PPP3CA: variants seen among roughly 807,000 people sequenced by gnomAD.
PPP3CA encodes the protein CAM-PRP catalytic subunit.
In PPP3CA, 14 loss-of-function variants were observed where a neutral mutation model predicts 66.5. The ratio of observed to expected loss-of-function variants is 0.21; its 90% CI spans 0.14 to 0.33. The LOEUF is 0.33. Among genes scored for constraint, PPP3CA ranks in the 10% least tolerant of loss-of-function variants. The pLI is 1.00. For missense variants in PPP3CA, 317 were observed against 639.5 expected (o/e 0.50, Z 5.44); for synonymous variants, 232 against 226.2 (o/e 1.03, Z -0.23).
At chr4:101,297,556 T>C (rs867952546) in intron 1 of PPP3CA, among the ~76,000 whole-genome samples, 5 of 152,160 alleles carry the variant, frequency 3.3e-5, no homozygotes, top group South Asian at 2.1e-4. Flanking sequence ...CAATTGTACC[T>C]GCGATGTCAG....
chr4:101,249,117 A>G (rs1396469255), intron 1 of PPP3CA, among the ~76,000 whole-genome samples: 11 of 151,676 alleles, frequency 7.3e-5, no homozygotes, highest in Admixed American at 1.3e-4. Context: ...CCGAGATTGC[A>G]CCACTGCAGT....
At chr4:101,053,160 T>A (rs1728082347) in intron 10 of PPP3CA, among the ~76,000 whole-genome samples, 1 of 152,272 alleles carries the variant, frequency 6.6e-6, no homozygotes, top group Admixed American at 6.6e-5. Context: ...AACAATGTGA[T>A]ATTAGAATAG....
At position 101,109,180 on chromosome 4, in the gene PPP3CA, C is replaced by T. The variant is rs193175793; in HGVS notation, c.260-102G>A. On this transcript the variant is annotated intron_variant, in intron 2 of 13. Transcript: ENST00000394854. The stretch of plus-strand genomic sequence containing the variant: ...GAACCAGAATTAATTTCAAGTTTAT[C>T]TGAGCCAAAACATTCTTTTGCAGAA... 9 of 1,206,662 alleles carry T rather than the reference C, an allele frequency of 7.5e-6. No homozygotes were observed. In the East Asian group the frequency reaches 1.0e-4, roughly 14 times the overall value. 74.7% of individuals were successfully genotyped at this position (1,206,662 alleles called of 1,614,324 possible). A position where few individuals can be genotyped will look rare whatever the true frequency, so the allele number is the denominator to read the frequency against.
At chr4:101,096,552 C>G (rs1007792515) in intron 5 of PPP3CA, among the ~76,000 whole-genome samples, 1 of 152,062 alleles carries the variant, frequency 6.6e-6, no homozygotes, top group Admixed American at 6.5e-5. Context: ...ATAATTAAAA[C>G]ACTATTTTGA....
At chr4:101,108,420 T>A (rs940589169) in intron 3 of PPP3CA, among the ~76,000 whole-genome samples, 5 of 152,328 alleles carry the variant, frequency 3.3e-5, no homozygotes, top group Admixed American at 1.3e-4. Context: ...ATATAAAATG[T>A]ACAAAAGGCA....
chr4:101,088,539 C>T (rs1409727754), intron 6 of PPP3CA, among the ~76,000 whole-genome samples: 3 of 142,492 alleles, frequency 2.1e-5, no homozygotes, highest in African/African-American at 5.3e-5. Context: ...GAGCCGAGAT[C>T]GCACCACTGC....
intron 1 of PPP3CA, among the ~76,000 whole-genome samples, chr4:101,197,294 A>G (rs977024568): frequency 1.4e-4 from 21 of 152,260 alleles, no homozygotes; most frequent in African/African-American, 5.1e-4. Flanking sequence ...CTAATGGCAT[A>G]GATTTGTAAT....
chr4:101,275,025 G>A (rs1290967501), intron 1 of PPP3CA, among the ~76,000 whole-genome samples: 2 of 152,160 alleles, frequency 1.3e-5, no homozygotes, highest in East Asian at 3.8e-4. Flanking sequence ...ATCATTTTCA[G>A]TGATTGGGCT....
intron 1 of PPP3CA, among the ~76,000 whole-genome samples, chr4:101,215,716 T>A (rs754691595): frequency 1.4e-4 from 21 of 152,104 alleles, no homozygotes; most frequent in African/African-American, 5.1e-4. Flanking sequence ...TTTCATCATG[T>A]AAGCATTTAA....
chr4:101,110,806 T>TGGATG (rs1721644587), intron 2 of PPP3CA, among the ~76,000 whole-genome samples: 1 of 152,186 alleles, frequency 6.6e-6, no homozygotes. Flanking sequence ...TAGAGAACAC[T>TGGATG]GGATGGGATG....
intron 8 of PPP3CA, among the ~76,000 whole-genome samples, chr4:101,076,968 GCA>G (rs1249221567): frequency 1.3e-5 from 2 of 152,122 alleles, no homozygotes; most frequent in East Asian, 3.8e-4. Flanking sequence ...TTGCTTAATG[GCA>G]GAGCTGAGAT....
rs561783558 is a variant in PPP3CA at position 101,064,122 on chromosome 4, T to C, written c.956-765A>G. Among the ~76,000 whole-genome samples the C allele has an allele frequency of 2.6e-5, 4 of 152,110 alleles. No homozygotes were observed. In the South Asian group the frequency reaches 6.2e-4, roughly 24 times the overall value. ...ATAAAATAATGTGCTTCTATCTGAC[T>C]CTATCCTTGATTTCTGAAAAAGATG... On this transcript the variant is annotated intron_variant, in intron 8 of 13. Coordinates refer to ENST00000394854, the MANE Select transcript of PPP3CA (RefSeq NM_000944.5).
At chr4:101,171,305 C>T in intron 2 of PPP3CA, 1 of 434,696 alleles carries the variant, frequency 2.3e-6, no homozygotes, top group Non-Finnish European at 4.6e-6. Flanking sequence ...TTCTTTAAAG[C>T]TCCATAGTTG....
At chr4:101,070,076 A>G (rs990187470) in intron 8 of PPP3CA, among the ~76,000 whole-genome samples, 5 of 152,104 alleles carry the variant, frequency 3.3e-5, no homozygotes, top group African/African-American at 1.2e-4. Context: ...TTCTTGATAT[A>G]GGGTTAGCAA....
intron 2 of PPP3CA, among the ~76,000 whole-genome samples, chr4:101,109,962 G>A (rs1031295400): frequency 1.3e-5 from 2 of 152,132 alleles, no homozygotes; most frequent in Non-Finnish European, 2.9e-5. Context: ...GAGAGGTTAT[G>A]TGGCTTGGTA....
chr4:101,133,643 A>G (rs1233869108), intron 2 of PPP3CA, among the ~76,000 whole-genome samples: 1 of 152,218 alleles, frequency 6.6e-6, no homozygotes, highest in Non-Finnish European at 1.5e-5. Context: ...AGGAAGGATC[A>G]ATATCATGAA....
At chr4:101,122,401 T>C (rs553646606) in intron 2 of PPP3CA, among the ~76,000 whole-genome samples, 73 of 152,200 alleles carry the variant, frequency 4.8e-4, no homozygotes, top group Non-Finnish European at 9.0e-4. Context: ...TGTGTGTGTG[T>C]ACACAGGTAC....
At chr4:101,244,051 G>A (rs1052271186) in intron 1 of PPP3CA, among the ~76,000 whole-genome samples, 1 of 152,170 alleles carries the variant, frequency 6.6e-6, no homozygotes, top group Non-Finnish European at 1.5e-5. Context: ...TCTAAGTGAA[G>A]AGTATATTGA....
chr4:101,218,179 G>A (rs1725512735), intron 1 of PPP3CA, among the ~76,000 whole-genome samples: 2 of 151,948 alleles, frequency 1.3e-5, no homozygotes, highest in African/African-American at 4.8e-5. Flanking sequence ...AAAGCTGAAA[G>A]ATAAAAGAGA....
Sources: allele counts gnomAD v4.1 joint callset (sites outside exome capture counted in the v4.1 genomes callset), GRCh38; gene constraint gnomAD v4.1.1; transcripts MANE v1.5; gene names NCBI Gene and HGNC (gene_info 2026-07-23, HGNC 2026-07-21).